CEP112: variants seen among roughly 807,000 people sequenced by gnomAD.
CEP112 encodes the protein centrosomal protein of 112 kDa.
CEP112 carries 127 observed loss-of-function variants against 153.0 expected under a neutral mutation model. The observed-to-expected ratio is 0.83, with a 90% confidence interval of 0.72 to 0.96. The LOEUF is 0.96. Among genes scored for constraint, CEP112 ranks in the 40% least tolerant of loss-of-function variants. The pLI, the probability that CEP112 is intolerant of heterozygous loss-of-function variation, is 0.00. For synonymous variants in CEP112, 358 were observed against 374.4 expected, an observed-to-expected ratio of 0.96 and a Z score of 0.51; for missense variants, 1,089 against 1,101.2, an observed-to-expected ratio of 0.99 and a Z score of 0.16.
At position 65,811,787 on chromosome 17, in the gene CEP112, C is replaced by T. The variant is rs142266299; in HGVS notation, c.2394+40017G>A. ...TAAATGAAAATTTCTTGAAAAATTG[C>T]TTTTCTTAATTTTATAAATCTCCTA... is the stretch of plus-strand genomic sequence containing the variant. On this transcript the variant is annotated intron_variant, in intron 21 of 26. Coordinates refer to ENST00000535342, the MANE Select transcript of CEP112 (RefSeq NM_001199165.4). Among the ~76,000 whole-genome samples, 236 of 152,132 alleles carry T rather than the reference C, an allele frequency of 1.6e-3. 1 individual carries two copies. The highest frequency in any genetic ancestry group is 5.5e-3 in the African/African-American group (227 of 41,522).
intron 20 of CEP112, among the ~76,000 whole-genome samples, chr17:65,867,019 C>T (rs1479367131): frequency 6.6e-6 from 1 of 152,202 alleles, no homozygotes; most frequent in African/African-American, 2.4e-5. Flanking sequence ...AGGAGAAGAG[C>T]TGCAGCCCTT....
chr17:66,017,514 T>TG (rs1210316009), intron 16 of CEP112, among the ~76,000 whole-genome samples: 4 of 152,198 alleles, frequency 2.6e-5, no homozygotes, highest in Non-Finnish European at 5.9e-5. Context: ...CAATAAGTAT[T>TG]GTTTTAAATT....
intron 20 of CEP112, among the ~76,000 whole-genome samples, chr17:65,890,285 A>G (rs560543922): frequency 2.6e-4 from 39 of 152,318 alleles, no homozygotes; most frequent in African/African-American, 8.9e-4. Context: ...ACTGGAGATC[A>G]CTGGCCAAGC....
intron 21 of CEP112, among the ~76,000 whole-genome samples, chr17:65,842,228 AT>A (rs1202986191): frequency 2.0e-5 from 3 of 152,098 alleles, no homozygotes; most frequent in African/African-American, 7.2e-5. Flanking sequence ...TAATCTTGTA[AT>A]TTTTAAATGC....
At chr17:66,094,654 T>A (rs1339791931) in intron 8 of CEP112, among the ~76,000 whole-genome samples, 2 of 152,046 alleles carry the variant, frequency 1.3e-5, no homozygotes, top group Non-Finnish European at 2.9e-5. Flanking sequence ...CAAATGAGAT[T>A]ATATCAAACT....
chr17:65,887,167 A>G (rs185129518), intron 20 of CEP112, among the ~76,000 whole-genome samples: 2 of 152,126 alleles, frequency 1.3e-5, no homozygotes, highest in African/African-American at 4.8e-5. Context: ...CAGGGGAGAC[A>G]GAGTTCATGG....
chr17:65,971,274 A>G (rs2062777598), intron 17 of CEP112, among the ~76,000 whole-genome samples: 1 of 152,238 alleles, frequency 6.6e-6, no homozygotes, highest in South Asian at 2.1e-4. Flanking sequence ...ACACATGTAC[A>G]GCACATGCAC....
intron 4 of CEP112, among the ~76,000 whole-genome samples, chr17:66,162,710 T>A (rs977925489): frequency 1.2e-4 from 18 of 152,130 alleles, no homozygotes; most frequent in African/African-American, 3.6e-4. Context: ...GAATCTATGG[T>A]AACATAATAC....
At chr17:66,137,413 G>T (rs1424943927) in intron 4 of CEP112, among the ~76,000 whole-genome samples, 1 of 151,800 alleles carries the variant, frequency 6.6e-6, no homozygotes. Context: ...AAAGCAGTAA[G>T]CTTATTTAAA....
chr17:66,122,363 A>T (rs546129231), intron 6 of CEP112, among the ~76,000 whole-genome samples: 2 of 152,244 alleles, frequency 1.3e-5, no homozygotes, highest in Non-Finnish European at 2.9e-5. Context: ...TGCATGTCTT[A>T]TAATTTTTTT....
intron 2 of CEP112, among the ~76,000 whole-genome samples, chr17:66,180,494 C>T (rs1018684130): frequency 1.3e-5 from 2 of 152,042 alleles, no homozygotes; most frequent in South Asian, 2.1e-4. Context: ...TTTCAACTTA[C>T]TCTAAAATTA....
intron 8 of CEP112, 116 bp from the exon 9 acceptor site, chr17:66,070,117 C>CT: frequency 3.2e-6 from 2 of 617,150 alleles, no homozygotes; most frequent in Non-Finnish European, 5.7e-6. Flanking sequence ...CCACCTTTAC[C>CT]TTGTAGTCAC....
intron 24 of CEP112, chr17:65,654,941 G>A: frequency 1.6e-6 from 1 of 635,768 alleles, no homozygotes; most frequent in Non-Finnish European, 3.0e-6. Context: ...CCATCCTAAA[G>A]CACAAATTAT....
chr17:65,672,246 T>C (rs1463137339), intron 24 of CEP112, among the ~76,000 whole-genome samples: 1 of 152,190 alleles, frequency 6.6e-6, no homozygotes, highest in Non-Finnish European at 1.5e-5. Context: ...TAGATTTCAG[T>C]TGTAATGAAA....
At chr17:65,708,948 C>T (rs1441368177) in intron 23 of CEP112, among the ~76,000 whole-genome samples, 2 of 152,068 alleles carry the variant, frequency 1.3e-5, no homozygotes, top group African/African-American at 4.8e-5. Context: ...GTCTCCTGGC[C>T]TCACCCTCCT....
At chr17:66,027,286 A>T (rs1454464431) in intron 16 of CEP112, among the ~76,000 whole-genome samples, 1 of 152,142 alleles carries the variant, frequency 6.6e-6, no homozygotes, top group Non-Finnish European at 1.5e-5. Flanking sequence ...CTGAGGCATG[A>T]GAATCCCTTG....
intron 17 of CEP112, among the ~76,000 whole-genome samples, chr17:65,970,714 CAT>C (rs1318643960): frequency 6.2e-5 from 6 of 97,044 alleles, no homozygotes; most frequent in Admixed American, 1.3e-4. Context: ...ATACACATGA[CAT>C]GTGCCTTTAT....
chr17:65,834,386 A>G (rs1279213856), intron 21 of CEP112, among the ~76,000 whole-genome samples: 2 of 152,204 alleles, frequency 1.3e-5, no homozygotes, highest in Non-Finnish European at 2.9e-5. Flanking sequence ...CTGCACAGCA[A>G]AAGAAACTAT....
chr17:65,735,002 T>C (rs1389404870), intron 23 of CEP112, among the ~76,000 whole-genome samples: 2 of 152,190 alleles, frequency 1.3e-5, no homozygotes, highest in Non-Finnish European at 2.9e-5. Flanking sequence ...CTGTGAGTTA[T>C]ACAAATCTTC....
Sources: allele counts gnomAD v4.1 joint callset (sites outside exome capture counted in the v4.1 genomes callset), GRCh38; gene constraint gnomAD v4.1.1; transcripts MANE v1.5; gene names NCBI Gene and HGNC (gene_info 2026-07-23, HGNC 2026-07-21).